Variants in XPNPEP3 observed in about 807,000 individuals in gnomAD.
XPNPEP3 encodes X-prolyl aminopeptidase 3, also known as xaa-Pro aminopeptidase 3.
XPNPEP3 carries 41 observed loss-of-function variants against 60.0 expected under a neutral mutation model. The ratio of observed to expected loss-of-function variants is 0.68; its 90% confidence interval spans 0.53 to 0.89. The LOEUF (loss-of-function observed/expected upper bound fraction) is 0.89, where lower values mean the gene tolerates loss of function less well. XPNPEP3 is among the 40% of genes least tolerant of loss of function. The pLI, the probability that XPNPEP3 is intolerant of heterozygous loss-of-function variation, is 0.00. For missense variants in XPNPEP3, 598 were observed against 638.9 expected (o/e 0.94, Z 0.69); for synonymous variants, 212 against 223.2 (o/e 0.95, Z 0.45).
chr22:40,885,549 T>C (rs1353233148), intron 3 of XPNPEP3, among the ~76,000 whole-genome samples: 1 of 152,208 alleles, frequency 6.6e-6, no homozygotes, highest in East Asian at 1.9e-4. Flanking sequence ...TTTCCTCTAG[T>C]ACTGAGATCA....
At position 40,910,800 on chromosome 22, in the gene XPNPEP3, T is replaced by C. The variant is rs543325279; in HGVS notation, c.969+1565T>C. ...GTGGGTGAATCATGAGGTCAGGAGT[T>C]CGAGACCATCCTGGTCAACATGGTG... On this transcript the variant is annotated intron_variant, in intron 6 of 9. Coordinates refer to ENST00000357137, the MANE Select transcript of XPNPEP3 (RefSeq NM_022098.4). 7.2e-5 allele frequency among the ~76,000 whole-genome samples: 11 copies of C among 152,144 alleles called. No homozygotes were observed. In the East Asian group the frequency reaches 1.9e-3, roughly 27 times the overall value.
At chr22:40,910,772 G>A (rs1345307065) in intron 6 of XPNPEP3, among the ~76,000 whole-genome samples, 3 of 152,104 alleles carry the variant, frequency 2.0e-5, no homozygotes, top group Non-Finnish European at 4.4e-5. Context: ...TTGGGAGGCC[G>A]AGGTGGGTGA....
Position 40,882,169 on chromosome 22 carries a change from A to T in XPNPEP3, c.581A>T (p.Lys194Ile), listed in dbSNP as rs780202634. The T allele has an allele frequency of 6.2e-7, 1 of 1,614,190 alleles. No homozygotes were observed. The highest frequency in any genetic ancestry group is 1.3e-5 in the African/African-American group (1 of 75,056). The change falls in exon 3 of 10, where the codon AAA (lysine) becomes ATA (isoleucine). Residue 194 changes from lysine to isoleucine, a missense_variant. By Grantham distance (102) the Lys-to-Ile change is moderately radical. Transcript: ENST00000357137. ...TLEEFQHLLPKMKAETNMVWY... is the reference protein window; with the variant it reads ...TLEEFQHLLPIMKAETNMVWY... ...GAAGAATTTCAACATCTTCTACCAAAAATGAAAGGTAACAAATGGGAGCAG... is the reference window on the plus strand; with the variant it reads ...GAAGAATTTCAACATCTTCTACCAATAATGAAAGGTAACAAATGGGAGCAG...
chr22:40,914,771 A>G (rs939618325), intron 7 of XPNPEP3, among the ~76,000 whole-genome samples: 6 of 151,902 alleles, frequency 3.9e-5, no homozygotes, highest in African/African-American at 1.4e-4. Context: ...TAAAATACAG[A>G]AGTAATATTC....
intron 4 of XPNPEP3, chr22:40,907,315 A>G (rs1010573151): frequency 1.2e-4 from 51 of 421,184 alleles, no homozygotes; most frequent in African/African-American, 9.4e-4. Flanking sequence ...CAGCTACTCG[A>G]GAGGCTGAGG....
intron 5 of XPNPEP3, among the ~76,000 whole-genome samples, chr22:40,908,039 C>A (rs1466501355): frequency 1.3e-5 from 2 of 152,036 alleles, no homozygotes; most frequent in African/African-American, 4.8e-5. Context: ...CGTGGCAAAA[C>A]CCCATCTCTA....
In XPNPEP3 at chr22:40,894,669, G is replaced by A. The variant is rs140939235; in HGVS notation, c.792+8154G>A. On this transcript the variant is annotated intron_variant, in intron 4 of 9. Transcript: ENST00000357137. ...TCATTGTTCAGTGCGTCACTGGCTG[G>A]CTTGAGTTCCTCCACCCATTTCATA... is the stretch of plus-strand genomic sequence containing the variant. 3.7e-3 allele frequency among the ~76,000 whole-genome samples: 561 copies of A among 152,268 alleles called. 3 individuals are homozygous for A. Among genetic ancestry groups the A allele is most frequent in the Non-Finnish European group, 6.1e-3 (418 of 68,024 alleles).
At chr22:40,861,685 T>C in intron 1 of XPNPEP3, 1 of 1,614,142 alleles carries the variant, frequency 6.2e-7, no homozygotes, top group Non-Finnish European at 8.5e-7. Context: ...AATGGATCCC[T>C]TTCATGAAAA....
intron 7 of XPNPEP3, among the ~76,000 whole-genome samples, chr22:40,921,035 A>G (rs1007439040): frequency 6.6e-6 from 1 of 151,744 alleles, no homozygotes; most frequent in African/African-American, 2.4e-5. Flanking sequence ...CAGGTGATCC[A>G]CCCGCCTCGG....
At chr22:40,873,886 A>G (rs1290107023) in intron 2 of XPNPEP3, among the ~76,000 whole-genome samples, 2 of 151,776 alleles carry the variant, frequency 1.3e-5, no homozygotes, top group African/African-American at 4.8e-5. Context: ...AAATGATGAA[A>G]TGATTGATTC....
rs761582969 is a variant in XPNPEP3 at position 40,886,402 on chromosome 22, G to T, written c.679G>T (p.Ala227Ser). 2 of 1,614,172 alleles carry T rather than the reference G, an allele frequency of 1.2e-6. No homozygotes were observed. Among genetic ancestry groups the T allele is most frequent in the Non-Finnish European group, 1.7e-6 (2 of 1,180,030 alleles). The change falls in exon 4 of 10, where the codon GCC becomes TCC. Residue 227 changes from alanine (A) to serine (S), a missense_variant. Physicochemically the swap from Ala to Ser is moderately conservative, Grantham distance 99 (BLOSUM62 1). Coordinates refer to ENST00000357137, the MANE Select transcript of XPNPEP3 (RefSeq NM_022098.4). ...TATGCAGCCCCTGACTGAGGCCAAAGCCAAGAGCAAGAACAAGGTTCGGGG... is the reference window on the plus strand; with the variant it reads ...TATGCAGCCCCTGACTGAGGCCAAATCCAAGAGCAAGAACAAGGTTCGGGG... ...DYMQPLTEAK[A>S]KSKNKVRGVQ...
intron 1 of XPNPEP3, chr22:40,859,876 A>G (rs1431227832): frequency 6.6e-6 from 1 of 152,198 alleles, no homozygotes; most frequent in Non-Finnish European, 1.5e-5. Context: ...TAAAATGGCT[A>G]TAGGTGCTAT....
intron 7 of XPNPEP3, chr22:40,917,128 G>A (rs1412565696): frequency 6.6e-6 from 1 of 152,508 alleles, no homozygotes; most frequent in Non-Finnish European, 1.5e-5. Flanking sequence ...ATAGTGGCAT[G>A]CACCTATAGT....
chr22:40,900,307 G>GAA (rs895306237), intron 4 of XPNPEP3, among the ~76,000 whole-genome samples: 1 of 96,888 alleles, frequency 1.0e-5, no homozygotes. Flanking sequence ...ACAGCCTTAG[G>GAA]AAAAAAAAAA....
Position 40,927,378 on chromosome 22 carries a change from G to A in XPNPEP3, c.*943G>A. 1 of 152,358 alleles carries A rather than the reference G, an allele frequency of 6.6e-6. No homozygotes were observed. The allele number at this position is 152,358 out of a possible 1,614,324, so 9.4% of individuals were successfully genotyped here. The stretch of plus-strand genomic sequence containing the variant: ...AATCCTGGCTACTTGGGAGGCTGAG[G>A]CATGAGAATTGCTTGAACCTGGGAG... On this transcript the variant is annotated 3_prime_UTR_variant, in exon 10 of 10. Coordinates refer to ENST00000357137, the MANE Select transcript of XPNPEP3 (RefSeq NM_022098.4).
chr22:40,909,480 A>G (rs1478939807), intron 6 of XPNPEP3, among the ~76,000 whole-genome samples: 2 of 152,188 alleles, frequency 1.3e-5, no homozygotes, highest in African/African-American at 2.4e-5. Flanking sequence ...ATAAAACAAC[A>G]TAGGCCAGGC....
At chr22:40,919,574 A>G (rs2058208928) in intron 7 of XPNPEP3, among the ~76,000 whole-genome samples, 1 of 152,174 alleles carries the variant, frequency 6.6e-6, no homozygotes, top group African/African-American at 2.4e-5. Flanking sequence ...TATGTTGCCC[A>G]GGCTGGTCTG....
intron 4 of XPNPEP3, among the ~76,000 whole-genome samples, chr22:40,899,669 A>T (rs1424181742): frequency 6.6e-6 from 1 of 151,968 alleles, no homozygotes; most frequent in East Asian, 1.9e-4. Flanking sequence ...AAATACAAAA[A>T]TTAGCTGGAT....
chr22:40,861,830 T>TA lies in XPNPEP3; in HGVS notation c.64+4586dup, dbSNP rs200971397. On this transcript the variant is annotated intron_variant, in intron 1 of 9. Coordinates refer to ENST00000357137, the MANE Select transcript of XPNPEP3 (RefSeq NM_022098.4). ...TGTCCCGTTTCTCATCATTTGATAA[T>TA]ACCTCGTATGCCTCAGCTACTTCTT... 31,729 of 1,613,740 alleles carry TA rather than the reference T, an allele frequency of 0.02. 5,965 individuals are homozygous for TA. The Admixed American group carries it at 0.4, about 20-fold the overall frequency.
Sources: allele counts gnomAD v4.1 joint callset (sites outside exome capture counted in the v4.1 genomes callset), GRCh38; gene constraint gnomAD v4.1.1; transcripts MANE v1.5; gene names NCBI Gene and HGNC (gene_info 2026-07-23, HGNC 2026-07-21).